PARL: variants seen among roughly 807,000 people sequenced by gnomAD.
PARL encodes the protein presenilin-associated rhomboid-like protein, mitochondrial.
In PARL, 44 loss-of-function variants were observed where a neutral mutation model predicts 51.6. The ratio of observed to expected loss-of-function variants is 0.85; its 90% CI spans 0.67 to 1.10. The LOEUF is 1.10. PARL is among the 50% of genes least tolerant of loss of function. PARL has a pLI of 0.00. For synonymous variants in PARL, 172 were observed against 164.0 expected (o/e 1.05, Z -0.37); for missense variants, 441 against 469.5 (o/e 0.94, Z 0.56).
chr3:183,857,921 AC>A (rs1731354027), intron 4 of PARL, among the ~76,000 whole-genome samples: 1 of 151,988 alleles, frequency 6.6e-6, no homozygotes, highest in African/African-American at 2.4e-5. Context: ...CATAATAAAA[AC>A]CCTATTCTTT....
rs545841999 is a variant in PARL at position 183,851,099 on chromosome 3, A to C, written c.512-6773T>G. 1.7e-4 allele frequency among the ~76,000 whole-genome samples: 26 copies of C among 152,316 alleles called. No individual in the cohort carries two copies. The South Asian group carries it at 2.5e-3, about 15-fold the overall frequency. Reference sequence around the variant, plus strand: ...GTGCTCAGACAAGTGGATAGCCATAAGCACAGAATGAGTTTGGACCCCTAT... The same window carrying C: ...GTGCTCAGACAAGTGGATAGCCATACGCACAGAATGAGTTTGGACCCCTAT... On this transcript the variant is annotated intron_variant, in intron 4 of 9. Transcript: ENST00000317096.
intron 2 of PARL, 97 bp from the exon 3 acceptor site, chr3:183,866,862 A>G (rs1451339619): frequency 1.2e-5 from 11 of 903,614 alleles, no homozygotes. Context: ...TGCTTTTTAC[A>G]AACCAACAGA....
chr3:183,871,962 A>G (rs1025998346), intron 1 of PARL, among the ~76,000 whole-genome samples: 33 of 152,100 alleles, frequency 2.2e-4, no homozygotes, highest in Admixed American at 9.8e-4. Flanking sequence ...ACTCAGAATA[A>G]TAGCATAGCT....
chr3:183,833,440 G>T, intron 9 of PARL, 52 bp downstream of exon 9: 1 of 1,066,166 alleles, frequency 9.4e-7, no homozygotes, highest in Non-Finnish European at 1.5e-6. Context: ...TGGGGTAGGA[G>T]GAGCGCATGA....
chr3:183,863,817 C>T (rs887552726), intron 3 of PARL, among the ~76,000 whole-genome samples: 8 of 152,306 alleles, frequency 5.3e-5, no homozygotes, highest in Middle Eastern at 3.4e-3. Context: ...GTTCCCAGGA[C>T]TTTCATGTTT....
intron 3 of PARL, among the ~76,000 whole-genome samples, chr3:183,864,052 G>A (rs1732154147): frequency 6.6e-6 from 1 of 152,170 alleles, no homozygotes; most frequent in Admixed American, 6.5e-5. Flanking sequence ...AAGAGATCCA[G>A]GATAATGGAA....
rs549465116 is a variant in PARL, at chr3:183,855,219, G to A, written c.511+7534C>T. ...TTTCTGGGATAATGAAAAGGCCCTG[G>A]GATTAGATGACGTTAATAGTTGCAC... On this transcript the variant is annotated intron_variant, in intron 4 of 9. Coordinates refer to ENST00000317096, the MANE Select transcript of PARL (RefSeq NM_018622.7). Among the ~76,000 whole-genome samples, 331 of 152,080 alleles carry A rather than the reference G, an allele frequency of 2.2e-3. 2 individuals are homozygous for A. The highest frequency in any genetic ancestry group is 7.7e-3 in the African/African-American group (320 of 41,472).
intron 9 of PARL, 32 bp downstream of exon 9, chr3:183,833,460 G>T: frequency 1.5e-6 from 2 of 1,306,782 alleles, no homozygotes; most frequent in Non-Finnish European, 2.2e-6. Flanking sequence ...ACCCAAGGAA[G>T]CAGTTTAGCA....
At chr3:183,878,776 C>A (rs148566089) in intron 1 of PARL, among the ~76,000 whole-genome samples, 2 of 152,130 alleles carry the variant, frequency 1.3e-5, no homozygotes, top group Non-Finnish European at 2.9e-5. Flanking sequence ...TCTAAACAAG[C>A]GCCTAAATTA....
At chr3:183,859,243 A>G (rs1731525621) in intron 4 of PARL, among the ~76,000 whole-genome samples, 1 of 152,018 alleles carries the variant, frequency 6.6e-6, no homozygotes, top group South Asian at 2.1e-4. Flanking sequence ...ACGCCACTGC[A>G]CTCCAGCCTG....
rs1217425411 is a variant in PARL at position 183,873,591 on chromosome 3, T to C, written c.126-5531A>G. Among the ~76,000 whole-genome samples, 3 of 152,078 alleles carry C rather than the reference T, an allele frequency of 2.0e-5. No homozygotes were observed. In the East Asian group the frequency reaches 5.8e-4, roughly 29 times the overall value. On this transcript the variant is annotated intron_variant, in intron 1 of 9. Transcript: ENST00000317096. Reference sequence around the variant, plus strand: ...TTAATTAATTAAAGATGGCAAGTTGTAACCCAGTAATCTTGGTTCCTAGCA... The same window carrying C: ...TTAATTAATTAAAGATGGCAAGTTGCAACCCAGTAATCTTGGTTCCTAGCA...
chr3:183,844,352 G>A lies in PARL; in HGVS notation c.512-26C>T, dbSNP rs1335764001. 3 of 1,407,964 alleles carry A rather than the reference G, an allele frequency of 2.1e-6. No homozygotes were observed. The South Asian group carries it at 3.5e-5, about 16-fold the overall frequency. 87.2% of individuals were successfully genotyped at this position (1,407,964 alleles called of 1,614,324 possible). A position where few individuals can be genotyped will look rare whatever the true frequency, so the allele number is the denominator to read the frequency against. Reference sequence around the variant, plus strand: ...CTACAAAATAAATATTTATAATTTAGGGAGGTTAAAAATGAAAGCAGGAAA... The same window carrying A: ...CTACAAAATAAATATTTATAATTTAAGGAGGTTAAAAATGAAAGCAGGAAA... On this transcript the variant is annotated intron_variant, in intron 4 of 9. Coordinates refer to ENST00000317096, the MANE Select transcript of PARL (RefSeq NM_018622.7).
intron 5 of PARL, chr3:183,843,416 G>A: frequency 3.4e-6 from 1 of 297,708 alleles, no homozygotes; most frequent in Non-Finnish European, 5.0e-6. Context: ...CCTGGGGGCT[G>A]AGGTGGGAGG....
At chr3:183,880,303 T>C (rs1208059374) in intron 1 of PARL, among the ~76,000 whole-genome samples, 3 of 152,136 alleles carry the variant, frequency 2.0e-5, no homozygotes, top group African/African-American at 7.2e-5. Context: ...TTGGTCCTTC[T>C]GCCAGGAACT....
At chr3:183,865,989 C>T (rs751588663) in intron 3 of PARL, among the ~76,000 whole-genome samples, 1 of 151,656 alleles carries the variant, frequency 6.6e-6, no homozygotes, top group Non-Finnish European at 1.5e-5. Context: ...AGGCGATTCT[C>T]CTGCCTCAGC....
intron 3 of PARL, among the ~76,000 whole-genome samples, chr3:183,865,958 C>T (rs959495192): frequency 4.6e-5 from 7 of 151,668 alleles, no homozygotes; most frequent in African/African-American, 1.2e-4. Flanking sequence ...CGTCTCACTG[C>T]AACCTCTGCC....
intron 1 of PARL, among the ~76,000 whole-genome samples, chr3:183,882,099 G>A (rs1363349724): frequency 4.0e-5 from 6 of 150,436 alleles, no homozygotes; most frequent in Non-Finnish European, 5.9e-5. Context: ...AGCTACTCGG[G>A]AGGCTGAGGC....
At position 183,842,464 on chromosome 3, in the gene PARL, C is replaced by T; in HGVS notation, c.608-17G>A. The T allele has an allele frequency of 6.2e-7, 1 of 1,609,566 alleles. No homozygotes were observed. The highest frequency in any genetic ancestry group is 8.5e-7 in the Non-Finnish European group (1 of 1,176,588). ...AAAGGACCTCTACAAGAGAGAGAAA[C>T]ATAGTCTGGTAATCATGAAACACAC... On this transcript the variant is annotated splice_polypyrimidine_tract_variant and intron_variant, in intron 5 of 9. Transcript: ENST00000317096.
intron 1 of PARL, chr3:183,879,879 A>ATTTTTTTTTTTTTTTTTT (rs532111761): frequency 2.3e-5 from 3 of 131,310 alleles, no homozygotes; most frequent in African/African-American, 5.7e-5. Flanking sequence ...ACCAGGACTG[A>ATTTTTTTTTTTTTTTTTT]TTTTTTTTTT....
Sources: allele counts gnomAD v4.1 joint callset (sites outside exome capture counted in the v4.1 genomes callset), GRCh38; gene constraint gnomAD v4.1.1; transcripts MANE v1.5; gene names NCBI Gene and HGNC (gene_info 2026-07-23, HGNC 2026-07-21).